CNTN5: variants seen among roughly 807,000 people sequenced by gnomAD.
CNTN5 encodes contactin-5.
In CNTN5, 77 loss-of-function variants were observed where a neutral mutation model predicts 129.1. The observed-to-expected ratio is 0.60, with a 90% CI of 0.50 to 0.72. The LOEUF (loss-of-function observed/expected upper bound fraction) is 0.72, where lower values mean the gene tolerates loss of function less well. Among genes scored for constraint, CNTN5 ranks in the 30% least tolerant of loss-of-function variants. The pLI is 0.00. For missense variants in CNTN5, 1,478 were observed against 1,328.8 expected, an observed-to-expected ratio of 1.11 and a Z score of -1.75; for synonymous variants, 509 against 465.6, an observed-to-expected ratio of 1.09 and a Z score of -1.20.
intron 13 of CNTN5, among the ~76,000 whole-genome samples, chr11:100,173,362 C>G (rs1203003217): frequency 1.3e-5 from 2 of 152,078 alleles, no homozygotes; most frequent in East Asian, 1.9e-4. Context: ...GCACTCATCC[C>G]CAGAAATTAT....
chr11:100,086,731 A>C (rs1944572111), intron 13 of CNTN5, among the ~76,000 whole-genome samples: 1 of 151,574 alleles, frequency 6.6e-6, no homozygotes, highest in South Asian at 2.1e-4. Flanking sequence ...AATGGGAAAA[A>C]ATGAATCATA....
chr11:99,160,277 C>A (rs893084205), intron 1 of CNTN5, among the ~76,000 whole-genome samples: 4 of 152,152 alleles, frequency 2.6e-5, no homozygotes, highest in African/African-American at 4.8e-5. Flanking sequence ...TAGCTCATTG[C>A]TTATGTTATG....
At chr11:99,273,790 T>C (rs1193014606) in intron 1 of CNTN5, among the ~76,000 whole-genome samples, 1 of 151,588 alleles carries the variant, frequency 6.6e-6, no homozygotes, top group South Asian at 2.1e-4. Context: ...AATCTGATTA[T>C]ACTTATGATT....
At chr11:100,127,651 CTTTTTTTTTT>C (rs66468227) in intron 13 of CNTN5, among the ~76,000 whole-genome samples, 2 of 81,288 alleles carry the variant, frequency 2.5e-5, no homozygotes, top group South Asian at 4.8e-4. Flanking sequence ...TTCTTTCTTT[CTTTTTTTTTT>C]TTTTTTTTTT....
At chr11:99,390,329 C>T (rs1941193787) in intron 2 of CNTN5, among the ~76,000 whole-genome samples, 2 of 152,094 alleles carry the variant, frequency 1.3e-5, no homozygotes, top group African/African-American at 4.8e-5. Flanking sequence ...ATATTGCCCA[C>T]ACTGGTCTTG....
At chr11:99,766,786 G>A (rs1402208164) in intron 3 of CNTN5, among the ~76,000 whole-genome samples, 1 of 151,836 alleles carries the variant, frequency 6.6e-6, no homozygotes, top group Non-Finnish European at 1.5e-5. Flanking sequence ...TTAAAAACTT[G>A]CATTTGTTAA....
At chr11:99,115,126 G>A (rs748917082) in intron 1 of CNTN5, among the ~76,000 whole-genome samples, 2 of 152,102 alleles carry the variant, frequency 1.3e-5, no homozygotes, top group Non-Finnish European at 2.9e-5. Context: ...CCCAAACTGT[G>A]AGAAATAAAT....
intron 10 of CNTN5, among the ~76,000 whole-genome samples, chr11:100,066,235 G>C (rs1300966482): frequency 6.6e-6 from 1 of 152,090 alleles, no homozygotes; most frequent in East Asian, 1.9e-4. Context: ...CGACATAATA[G>C]AGCAAGGGCA....
intron 23 of CNTN5, among the ~76,000 whole-genome samples, chr11:100,341,419 G>T (rs754607944): frequency 1.3e-5 from 2 of 152,214 alleles, no homozygotes; most frequent in Non-Finnish European, 2.9e-5. Context: ...AAGGGAAGGA[G>T]TAGGAAAAGT....
In CNTN5 at chr11:99,671,425, C is replaced by T. The variant is rs536375702; in HGVS notation, c.55+115156C>T. On this transcript the variant is annotated intron_variant, in intron 3 of 24. Transcript: ENST00000524871. ...TAAGCACTCTAAGTGTATGAATATA[C>T]GGTTGGGTAAACTGCTGGTGAATTT... Among the ~76,000 whole-genome samples the T allele has an allele frequency of 7.9e-5, 12 of 152,108 alleles. No individual in the cohort carries two copies. In the South Asian group the frequency reaches 2.5e-3, roughly 32 times the overall value.
intron 8 of CNTN5, among the ~76,000 whole-genome samples, chr11:100,000,152 TATAATA>T (rs1161334713): frequency 1.3e-5 from 2 of 151,702 alleles, no homozygotes; most frequent in Admixed American, 6.6e-5. Context: ...AAACTTAAAG[TATAATA>T]ATAATAAAAA....
chr11:99,436,616 T>C (rs1285484495), intron 2 of CNTN5, among the ~76,000 whole-genome samples: 2 of 152,150 alleles, frequency 1.3e-5, no homozygotes, highest in African/African-American at 2.4e-5. Context: ...ATCTGATAGG[T>C]AAATCCAAAA....
chr11:99,345,282 T>C (rs948094852), intron 2 of CNTN5, among the ~76,000 whole-genome samples: 4 of 152,238 alleles, frequency 2.6e-5, no homozygotes, highest in African/African-American at 9.6e-5. Context: ...TAATGAATTA[T>C]ACACTGTTGT....
intron 2 of CNTN5, among the ~76,000 whole-genome samples, chr11:99,418,828 A>G (rs1330964903): frequency 1.3e-5 from 2 of 152,134 alleles, no homozygotes; most frequent in African/African-American, 4.8e-5. Flanking sequence ...GATGCCTCCA[A>G]ATAAAGTCCA....
At chr11:99,956,016 T>A (rs535022180) in intron 7 of CNTN5, among the ~76,000 whole-genome samples, 1 of 152,292 alleles carries the variant, frequency 6.6e-6, no homozygotes, top group East Asian at 1.9e-4. Flanking sequence ...TTACTGTTTT[T>A]CTTATATTTA....
At position 99,981,989 on chromosome 11, in the gene CNTN5, T is replaced by A. The variant is rs199671402; in HGVS notation, c.878-20045T>A. On this transcript the variant is annotated intron_variant, in intron 8 of 24. Transcript: ENST00000524871. The stretch of plus-strand genomic sequence containing the variant: ...AGGAAAAGTGTAAATAGTAAATGCC[T>A]AGGAGTTTGTAGGATGGATCCATCG... Among the ~76,000 whole-genome samples, 258 of 152,280 alleles carry A rather than the reference T, an allele frequency of 1.7e-3. 2 individuals carry two copies. In the East Asian group the frequency reaches 0.029, roughly 17 times the overall value.
chr11:100,206,103 T>G (rs1948906000), intron 15 of CNTN5, among the ~76,000 whole-genome samples: 1 of 152,022 alleles, frequency 6.6e-6, no homozygotes, highest in Non-Finnish European at 1.5e-5. Flanking sequence ...ATGAAGGAAG[T>G]ATGTTCAGGA....
chr11:99,529,590 G>A (rs1947620095), intron 2 of CNTN5, among the ~76,000 whole-genome samples: 1 of 152,032 alleles, frequency 6.6e-6, no homozygotes, highest in Non-Finnish European at 1.5e-5. Flanking sequence ...TGAGTCTTTG[G>A]GGATTATGAT....
intron 3 of CNTN5, among the ~76,000 whole-genome samples, chr11:99,749,086 G>C (rs1013098863): frequency 2.0e-5 from 3 of 151,062 alleles, no homozygotes; most frequent in Non-Finnish European, 2.9e-5. Flanking sequence ...AGGCATGATG[G>C]TGATGTCAGA....
Sources: allele counts gnomAD v4.1 joint callset (sites outside exome capture counted in the v4.1 genomes callset), GRCh38; gene constraint gnomAD v4.1.1; transcripts MANE v1.5; gene names NCBI Gene and HGNC (gene_info 2026-07-23, HGNC 2026-07-21).